Variants in ZNRF1 observed in about 807,000 individuals in gnomAD.
The protein encoded by ZNRF1 is E3 ubiquitin-protein ligase ZNRF1.
ZNRF1 carries 3 observed loss-of-function variants against 18.4 expected under a neutral mutation model. The observed-to-expected ratio is 0.16, with a 90% CI of 0.07 to 0.42. The LOEUF is 0.42. ZNRF1 is among the 10% of genes least tolerant of loss of function. ZNRF1 has a pLI of 0.99. For synonymous variants in ZNRF1, 157 were observed against 144.2 expected (o/e 1.09, Z -0.64); for missense variants, 310 against 329.8 (o/e 0.94, Z 0.47).
At chr16:75,033,285 C>G (rs914750242) in intron 1 of ZNRF1, among the ~76,000 whole-genome samples, 1 of 147,238 alleles carries the variant, frequency 6.8e-6, no homozygotes, top group Non-Finnish European at 1.5e-5. Context: ...AAAAGGAATG[C>G]TTGCAGGAAT....
At chr16:75,107,490 C>A (rs1431568898) in intron 4 of ZNRF1, 1 of 329,160 alleles carries the variant, frequency 3.0e-6, no homozygotes, top group Admixed American at 4.2e-5. Context: ...GGGACATTTG[C>A]TCTTTTTACC....
chr16:75,001,924 C>G (rs142030492), intron 1 of ZNRF1, among the ~76,000 whole-genome samples: 2 of 152,226 alleles, frequency 1.3e-5, no homozygotes, highest in East Asian at 3.9e-4. Context: ...AGCCACTGAA[C>G]TGTGGGGACA....
rs2034808057 is a variant in ZNRF1, at chr16:74,999,568, T to C, written c.-104T>C. ...CCTTTTCTCCCTCCGGGTCTCCTTT[T>C]TGACTCCCTCCCCCTTTATGCTCGC... On this transcript the variant is annotated 5_prime_UTR_variant, in exon 1 of 5. Transcript: ENST00000335325. The C allele has an allele frequency of 1.2e-6, 1 of 864,578 alleles. No individual in the cohort carries two copies. Among genetic ancestry groups the C allele is most frequent in the Non-Finnish European group, 1.6e-6 (1 of 644,540 alleles). The allele number at this position is 864,578 out of a possible 1,614,324, so 53.6% of individuals were successfully genotyped here.
chr16:75,071,291 G>T (rs549999370), intron 1 of ZNRF1, among the ~76,000 whole-genome samples: 2 of 152,196 alleles, frequency 1.3e-5, no homozygotes, highest in African/African-American at 4.8e-5. Context: ...GTAGAGACAG[G>T]GTTTCGCCAT....
intron 1 of ZNRF1, among the ~76,000 whole-genome samples, chr16:75,008,282 C>CTT (rs923056723): frequency 6.6e-6 from 1 of 152,182 alleles, no homozygotes; most frequent in Non-Finnish European, 1.5e-5. Flanking sequence ...TGATGGTTTT[C>CTT]TTTTACATGG....
At chr16:75,058,095 C>A (rs368737155) in intron 1 of ZNRF1, among the ~76,000 whole-genome samples, 19 of 126,810 alleles carry the variant, frequency 1.5e-4, no homozygotes, top group African/African-American at 5.6e-4. Flanking sequence ...TGCCCTTTTT[C>A]CTTTCCTTTT....
At chr16:75,020,547 T>C (rs1186003219) in intron 1 of ZNRF1, among the ~76,000 whole-genome samples, 1 of 152,048 alleles carries the variant, frequency 6.6e-6, no homozygotes, top group Non-Finnish European at 1.5e-5. Flanking sequence ...TTTCTTTTCT[T>C]TTCTTTTTTT....
chr16:75,045,675 G>T (rs2035505912), intron 1 of ZNRF1, among the ~76,000 whole-genome samples: 1 of 151,332 alleles, frequency 6.6e-6, no homozygotes, highest in Non-Finnish European at 1.5e-5. Flanking sequence ...TGCATCTGGT[G>T]CCAGTAAACC....
At chr16:75,023,700 A>AC (rs1481753509) in intron 1 of ZNRF1, among the ~76,000 whole-genome samples, 4 of 150,646 alleles carry the variant, frequency 2.7e-5, no homozygotes, top group Admixed American at 6.6e-5. Flanking sequence ...AAACAAACAA[A>AC]AAAAACAAAA....
chr16:75,065,177 A>G (rs1412141167), intron 1 of ZNRF1, among the ~76,000 whole-genome samples: 2 of 152,256 alleles, frequency 1.3e-5, no homozygotes, highest in Non-Finnish European at 2.9e-5. Flanking sequence ...AGAGCTGAAG[A>G]CGAGGAAAAG....
chr16:75,016,174 C>T (rs1176637321), intron 1 of ZNRF1, among the ~76,000 whole-genome samples: 3 of 152,108 alleles, frequency 2.0e-5, no homozygotes, highest in Admixed American at 6.5e-5. Flanking sequence ...TCCACCGCCT[C>T]GGTCTCCCAA....
chr16:75,028,961 G>T (rs71392689), intron 1 of ZNRF1, among the ~76,000 whole-genome samples: 2 of 152,118 alleles, frequency 1.3e-5, no homozygotes, highest in Non-Finnish European at 2.9e-5. Context: ...AAGGCACGAA[G>T]GCTTAGTCCT....
chr16:75,096,982 G>A (rs559864331), intron 2 of ZNRF1, among the ~76,000 whole-genome samples: 26 of 152,220 alleles, frequency 1.7e-4, no homozygotes, highest in Middle Eastern at 6.8e-3. Context: ...AGGGAAGGGC[G>A]GTTGACTCCA....
chr16:75,095,733 C>G (rs2036190125), intron 2 of ZNRF1: 2 of 1,534,560 alleles, frequency 1.3e-6, no homozygotes, highest in African/African-American at 2.8e-5. Context: ...CCCCACTGCC[C>G]TGTGGAGAAC....
At chr16:75,013,363 T>TC (rs2035024592) in intron 1 of ZNRF1, among the ~76,000 whole-genome samples, 1 of 151,800 alleles carries the variant, frequency 6.6e-6, no homozygotes, top group South Asian at 2.1e-4. Context: ...TTTTTTTTTT[T>TC]CCGAGATGGA....
chr16:75,000,168 A>G, intron 1 of ZNRF1, 73 bp downstream of exon 1: 2 of 1,546,894 alleles, frequency 1.3e-6, no homozygotes, highest in South Asian at 1.2e-5. Flanking sequence ...GTGCGTGCCA[A>G]GGTTTGGGAA....
chr16:75,056,849 CTGG>C (rs1257027350), intron 1 of ZNRF1, among the ~76,000 whole-genome samples: 1 of 152,068 alleles, frequency 6.6e-6, no homozygotes, highest in Non-Finnish European at 1.5e-5. Flanking sequence ...GTTGGCCAGG[CTGG>C]TTTTGAACTC....
intron 1 of ZNRF1, among the ~76,000 whole-genome samples, chr16:75,066,846 C>A (rs796125798): frequency 6.6e-6 from 1 of 152,076 alleles, no homozygotes; most frequent in Non-Finnish European, 1.5e-5. Flanking sequence ...TTCTCGTTGA[C>A]TTAGAAATTC....
At chr16:75,075,062 CT>C (rs1414602279) in intron 1 of ZNRF1, among the ~76,000 whole-genome samples, 1 of 109,310 alleles carries the variant, frequency 9.1e-6, no homozygotes, top group Non-Finnish European at 1.7e-5. Flanking sequence ...ATGCTGTCTG[CT>C]TTTCCCCCCT....
Sources: gnomAD v4.1 joint callset for allele counts (sites outside exome capture counted in the v4.1 genomes callset) on GRCh38, gnomAD v4.1.1 for gene constraint, MANE v1.5 for transcripts, NCBI Gene and HGNC (gene_info 2026-07-23, HGNC 2026-07-21) for gene names.